Variants in CSDE1 observed in about 807,000 individuals in gnomAD.
CSDE1 encodes cold shock domain-containing protein E1.
Under a neutral mutation model 89.3 loss-of-function variants are expected in CSDE1, and 17 were observed. The ratio of observed to expected loss-of-function variants is 0.19; its 90% confidence interval spans 0.13 to 0.29. The LOEUF is 0.29. CSDE1 is among the 10% of genes least tolerant of loss of function. CSDE1 has a pLI of 1.00. For synonymous variants in CSDE1, 322 were observed against 332.8 expected (o/e 0.97, Z 0.35); for missense variants, 672 against 984.2 (o/e 0.68, Z 4.24).
At chr1:114,749,176 C>T (rs185056812) in intron 2 of CSDE1, among the ~76,000 whole-genome samples, 3 of 152,324 alleles carry the variant, frequency 2.0e-5, no homozygotes, top group Admixed American at 6.5e-5. Context: ...TCTTTACCCT[C>T]CTCCTTACCT....
intron 3 of CSDE1, among the ~76,000 whole-genome samples, chr1:114,738,590 C>T (rs1449909856): frequency 6.8e-6 from 1 of 147,342 alleles, no homozygotes; most frequent in African/African-American, 2.5e-5. Flanking sequence ...TTTTCTCAAA[C>T]GTTTTTTAAA....
At chr1:114,757,264 C>A (rs368451123) in intron 1 of CSDE1, among the ~76,000 whole-genome samples, 1 of 152,148 alleles carries the variant, frequency 6.6e-6, no homozygotes, top group Non-Finnish European at 1.5e-5. Flanking sequence ...CACTACTGTG[C>A]CAGATGTGGC....
chr1:114,720,759 C>T (rs1241210974), intron 16 of CSDE1, 42 bp from the exon 17 acceptor site: 1 of 1,577,126 alleles, frequency 6.3e-7, no homozygotes, highest in African/African-American at 1.3e-5. Context: ...TATTTCACAA[C>T]AGTCCTCTGC....
At position 114,737,509 on chromosome 1, in the gene CSDE1, G is replaced by A; in HGVS notation, c.364C>T (p.Gln122Ter). Residue 122 changes from glutamine (Q) to a stop codon, truncating the protein, a stop_gained, in exon 5 of 20, where the codon CAG (glutamine) becomes TAG (stop). Transcript: ENST00000358528. LOFTEE classifies it high-confidence loss of function. ...TAGCATACACTCCCTGTTGGACTCT[G>A]ACCCGGGGCAGCTGGAGATTTACTC... ...LESKSPAAPG[Q>*]SPTGSVCYER... is the part of the protein sequence containing the mutation. 6.2e-7 allele frequency: 1 copy of A among 1,613,906 alleles called. No individual in the cohort carries two copies. Among genetic ancestry groups the A allele is most frequent in the Non-Finnish European group, 8.5e-7 (1 of 1,179,994 alleles).
chr1:114,727,347 C>T (rs967779403), intron 12 of CSDE1, among the ~76,000 whole-genome samples: 2 of 152,122 alleles, frequency 1.3e-5, no homozygotes, highest in Non-Finnish European at 2.9e-5. Context: ...AAAAAGCTTA[C>T]TGAAAATGTT....
chr1:114,730,143 A>C, intron 12 of CSDE1, 115 bp downstream of exon 12: 1 of 1,215,196 alleles, frequency 8.2e-7, no homozygotes, highest in Admixed American at 2.4e-5. Flanking sequence ...TTAATATGAC[A>C]GAAATTCTGA....
chr1:114,742,830 A>G (rs929053710), intron 2 of CSDE1, among the ~76,000 whole-genome samples: 1 of 152,226 alleles, frequency 6.6e-6, no homozygotes, highest in Non-Finnish European at 1.5e-5. Flanking sequence ...GATTTCCCTG[A>G]TACTAATTCA....
chr1:114,733,386 T>A (rs1193957698), intron 9 of CSDE1, among the ~76,000 whole-genome samples: 1 of 151,716 alleles, frequency 6.6e-6, no homozygotes, highest in Admixed American at 6.6e-5. Flanking sequence ...ATTAGCTGGG[T>A]GTGGTGGCAT....
chr1:114,717,590 A>C lies in CSDE1; in HGVS notation c.*579T>G, dbSNP rs1659256316. On this transcript the variant is annotated 3_prime_UTR_variant, in exon 20 of 20. Coordinates refer to ENST00000358528, the MANE Select transcript of CSDE1 (RefSeq NM_001007553.3). ...TTAAGTGGATTGTGACAAGATTATAAATGATATGAAAAATAACATTTTAAA... is the reference window on the plus strand; with the variant it reads ...TTAAGTGGATTGTGACAAGATTATACATGATATGAAAAATAACATTTTAAA... 6.6e-6 allele frequency: 1 copy of C among 152,584 alleles called. No individual in the cohort carries two copies. Among genetic ancestry groups the C allele is most frequent in the Non-Finnish European group, 1.5e-5 (1 of 68,018 alleles). 9.5% of individuals were successfully genotyped at this position (152,584 alleles called of 1,614,324 possible). A position where few individuals can be genotyped will look rare whatever the true frequency, so the allele number is the denominator to read the frequency against.
intron 10 of CSDE1, among the ~76,000 whole-genome samples, chr1:114,732,223 G>A (rs991757266): frequency 6.6e-6 from 1 of 152,090 alleles, no homozygotes; most frequent in African/African-American, 2.4e-5. Context: ...GGACCACACT[G>A]GAGGAAGAAT....
intron 10 of CSDE1, among the ~76,000 whole-genome samples, chr1:114,731,909 G>C (rs1327141261): frequency 5.3e-5 from 8 of 152,152 alleles, no homozygotes; most frequent in Non-Finnish European, 1.0e-4. Context: ...CTGCCTCCTA[G>C]GTTCAAGCGA....
At chr1:114,734,144 A>G (rs763432069) in intron 7 of CSDE1, 27 bp from the exon 8 acceptor site, 2 of 1,599,764 alleles carry the variant, frequency 1.3e-6, no homozygotes, top group East Asian at 4.5e-5. Flanking sequence ...AACCAAGAAC[A>G]TTATTACCAC....
chr1:114,731,547 G>GA (rs1244907003), intron 10 of CSDE1, among the ~76,000 whole-genome samples: 6 of 152,124 alleles, frequency 3.9e-5, no homozygotes, highest in Non-Finnish European at 8.8e-5. Context: ...GCAACACTGA[G>GA]TTATAGTGTA....
rs191299914 is a variant in CSDE1 at position 114,752,812 on chromosome 1, C to T, written c.-387-2605G>A. Among the ~76,000 whole-genome samples, 6 of 152,288 alleles carry T rather than the reference C, an allele frequency of 3.9e-5. No homozygotes were observed. The East Asian group carries it at 1.2e-3, about 29-fold the overall frequency. On this transcript the variant is annotated intron_variant, in intron 1 of 19. Coordinates refer to ENST00000358528, the MANE Select transcript of CSDE1 (RefSeq NM_001007553.3). ...CCAAGCAATTTGCAGCAAGTGATAC[C>T]AAGCAATTTCTGTACTTTGTTTACT...
intron 4 of CSDE1, 125 bp from the exon 5 acceptor site, chr1:114,737,688 A>G (rs1660479441): frequency 1.3e-6 from 1 of 750,538 alleles, no homozygotes; most frequent in African/African-American, 1.8e-5. Flanking sequence ...GATCCACAAG[A>G]GGATGTCATG....
At chr1:114,723,050 G>T (rs1659612876) in intron 16 of CSDE1, among the ~76,000 whole-genome samples, 1 of 151,846 alleles carries the variant, frequency 6.6e-6, no homozygotes, top group Non-Finnish European at 1.5e-5. Context: ...GTAGAGACGG[G>T]GTTTCACCAT....
At chr1:114,734,795 T>C (rs1660303882) in intron 6 of CSDE1, among the ~76,000 whole-genome samples, 1 of 152,230 alleles carries the variant, frequency 6.6e-6, no homozygotes, top group Non-Finnish European at 1.5e-5. Flanking sequence ...TTTACAAACT[T>C]ACACATGGGT....
chr1:114,737,474 A>G lies in CSDE1; in HGVS notation c.399T>C (p.Asn133=). Residue 133 remains asparagine (N), a synonymous_variant, in exon 5 of 20, where the codon AAT becomes AAC. Coordinates refer to ENST00000358528, the MANE Select transcript of CSDE1 (RefSeq NM_001007553.3). Reference sequence around the variant, plus strand: ...TAAGAAAAATACACAAGTTTACCCCATTACGTTCGTAGCATACACTCCCTG... The same window carrying G: ...TAAGAAAAATACACAAGTTTACCCCGTTACGTTCGTAGCATACACTCCCTG... ...SPTGSVCYER[N]GEVFYLTYTP... is the part of the protein sequence containing the mutation. The G allele has an allele frequency of 6.2e-7, 1 of 1,611,886 alleles. No homozygotes were observed. Among genetic ancestry groups the G allele is most frequent in the Non-Finnish European group, 8.5e-7 (1 of 1,178,066 alleles).
intron 4 of CSDE1, 99 bp from the exon 5 acceptor site, chr1:114,737,662 GGATGC>G: frequency 1.2e-6 from 1 of 869,492 alleles, no homozygotes; most frequent in Non-Finnish European, 1.8e-6. Flanking sequence ...CTATATACAG[GGATGC>G]ATTTTAATAT....
Sources: gnomAD v4.1 joint callset for allele counts (sites outside exome capture counted in the v4.1 genomes callset) on GRCh38, gnomAD v4.1.1 for gene constraint, MANE v1.5 for transcripts, NCBI Gene and HGNC (gene_info 2026-07-23, HGNC 2026-07-21) for gene names.